NLRP10: variants seen among roughly 807,000 people sequenced by gnomAD.
NLRP10 encodes the protein NLR family pyrin domain containing 10, also known as NACHT, LRR and PYD domains-containing protein 10.
A neutral mutation model predicts 8.2 loss-of-function variants in NLRP10; 7 were observed. The observed-to-expected ratio is 0.85, with a 90% CI of 0.48 to 1.60. The LOEUF (loss-of-function observed/expected upper bound fraction) is 1.60, where lower values mean the gene tolerates loss of function less well. NLRP10 is among the 40% of genes most tolerant of loss of function. The pLI, the probability that NLRP10 is intolerant of heterozygous loss-of-function variation, is 0.00. For synonymous variants in NLRP10, 338 were observed against 314.0 expected, an observed-to-expected ratio of 1.08 and a Z score of -0.81; for missense variants, 814 against 776.3, an observed-to-expected ratio of 1.05 and a Z score of -0.58.
At chr11:7,961,758 G>T (rs1941735506) in intron 2 of NLRP10, among the ~76,000 whole-genome samples, 1 of 152,200 alleles carries the variant, frequency 6.6e-6, no homozygotes. Context: ...AGGACAGAGA[G>T]AGGGGAAAGG....
rs998589774 is a variant in NLRP10 at position 7,958,090 on chromosome 11, T to G, written c.*1554A>C. Among the ~76,000 whole-genome samples, 4 of 152,228 alleles carry G rather than the reference T, an allele frequency of 2.6e-5. No homozygotes were observed. The highest frequency in any genetic ancestry group is 9.6e-5 in the African/African-American group (4 of 41,458). ...ACTGAATACTATTACATTATGTGGA[T>G]GTATCACAGTTTGCTTATCCATCAC... On this transcript the variant is annotated 3_prime_UTR_variant, in exon 3 of 3. Coordinates refer to ENST00000691676, the MANE Select transcript of NLRP10 (RefSeq NM_001391958.1).
intron 2 of NLRP10, among the ~76,000 whole-genome samples, chr11:7,962,228 G>GTTATTTTTTTTT (rs1196465022): frequency 2.7e-5 from 1 of 36,880 alleles, no homozygotes; most frequent in East Asian, 7.7e-4. Context: ...AGATAAGCCT[G>GTTATTTTTTTTT]TTCTTTTTTT....
Position 7,960,290 on chromosome 11 carries a change from G to A in NLRP10, c.1322C>T (p.Pro441Leu). ...AELRKHNLDG[P>L]RLAAFLSSND... ...ACTACTCAGGAAAGCGGCAAGCCTGGGGCCATCTAAATTATGTTTCCTGAG... is the reference window on the plus strand; with the variant it reads ...ACTACTCAGGAAAGCGGCAAGCCTGAGGCCATCTAAATTATGTTTCCTGAG... The change falls in exon 3 of 3, where the codon CCC becomes CTC. Residue 441 changes from proline (P) to leucine (L), a missense_variant. Coordinates refer to ENST00000691676, the MANE Select transcript of NLRP10 (RefSeq NM_001391958.1). The A allele has an allele frequency of 6.2e-7, 1 of 1,614,138 alleles. No homozygotes were observed. Among genetic ancestry groups the A allele is most frequent in the Non-Finnish European group, 8.5e-7 (1 of 1,180,030 alleles).
Position 7,960,520 on chromosome 11 carries a change from C to A in NLRP10, c.1092G>T (p.Leu364=). ...CTTTGCCTCTCTCCATCTGCCCCTG[C>A]AGCCAGGAGCAGACCACCCAGCAAA... ...PGICWVVCSW[L]QGQMERGKVV... Residue 364 remains leucine, a synonymous_variant, in exon 3 of 3, where the codon CTG becomes CTT. Transcript: ENST00000691676. 6.2e-7 allele frequency: 1 copy of A among 1,614,146 alleles called. No individual in the cohort carries two copies. Among genetic ancestry groups the A allele is most frequent in the East Asian group, 2.2e-5 (1 of 44,886 alleles).
chr11:7,959,324 T>G lies in NLRP10; in HGVS notation c.*320A>C, dbSNP rs1440682345. On this transcript the variant is annotated 3_prime_UTR_variant, in exon 3 of 3. Transcript: ENST00000691676. ...CCATACTGTCTTGATTACTGTAGCT[T>G]TATAGTAGGAAGAAGTTGGATAGCA... 1 of 242,592 alleles carries G rather than the reference T, an allele frequency of 4.1e-6. No individual in the cohort carries two copies. Among genetic ancestry groups the G allele is most frequent in the Non-Finnish European group, 7.8e-6 (1 of 128,894 alleles). 15.0% of individuals were successfully genotyped at this position (242,592 alleles called of 1,614,324 possible). A position where few individuals can be genotyped will look rare whatever the true frequency, so the allele number is the denominator to read the frequency against.
At position 7,960,440 on chromosome 11, in the gene NLRP10, G is replaced by C; in HGVS notation, c.1172C>G (p.Thr391Ser). The C allele has an allele frequency of 6.2e-7, 1 of 1,614,064 alleles. No homozygotes were observed. The highest frequency in any genetic ancestry group is 8.5e-7 in the Non-Finnish European group (1 of 1,180,044). Residue 391 changes from threonine to serine, a missense_variant, in exon 3 of 3, where the codon ACC (threonine) becomes AGC (serine). By Grantham distance (58) the Thr-to-Ser change is moderately conservative. Coordinates refer to ENST00000691676, the MANE Select transcript of NLRP10 (RefSeq NM_001391958.1). Reference protein sequence around the residue: ...STDIFMAYVSTFLPPDDDGGC... With the variant: ...STDIFMAYVSSFLPPDDDGGC... The stretch of plus-strand genomic sequence containing the variant: ...CCCATCATCATCGGGCGGCAGAAAG[G>C]TGGAGACGTAAGCCATGAAGATGTC...
chr11:7,961,840 C>A (rs1252709087), intron 2 of NLRP10, among the ~76,000 whole-genome samples: 1 of 152,128 alleles, frequency 6.6e-6, no homozygotes, highest in Non-Finnish European at 1.5e-5. Flanking sequence ...CTCCAAATTT[C>A]AGGTTGAAAT....
chr11:7,960,930 C>A lies in NLRP10; in HGVS notation c.682G>T (p.Gly228Trp), dbSNP rs768485827. 11 of 1,614,168 alleles carry A rather than the reference C, an allele frequency of 6.8e-6. No homozygotes were observed. Among genetic ancestry groups the A allele is most frequent in the Non-Finnish European group, 9.3e-6 (11 of 1,180,036 alleles). Residue 228 changes from glycine to tryptophan, a missense_variant, in exon 3 of 3, where the codon GGG becomes TGG. Physicochemically the swap from Gly to Trp is radical, Grantham distance 184 (BLOSUM62 -2). Coordinates refer to ENST00000691676, the MANE Select transcript of NLRP10 (RefSeq NM_001391958.1). ...TCTGTGACAGGGGCTTGATTGTCCC[C>A]GCAGCACCAGAAAAGGAGCTGCTCC... ...KLEQLLFWCC[G>W]DNQAPVTEIL...
chr11:7,959,109 GTATTTTACATC>G lies in NLRP10; in HGVS notation c.*524_*534del, dbSNP rs1941669993. The stretch of plus-strand genomic sequence containing the variant: ...TCTAGCAGTTTATATTAGTACTTTT[GTATTTTACATC>G]TAGATTCATTTTTTTACATGTGGAT... On this transcript the variant is annotated 3_prime_UTR_variant, in exon 3 of 3. Coordinates refer to ENST00000691676, the MANE Select transcript of NLRP10 (RefSeq NM_001391958.1). Among the ~76,000 whole-genome samples, 1 of 151,978 alleles carries G rather than the reference GTATTTTACATC, an allele frequency of 6.6e-6. No individual in the cohort carries two copies. The highest frequency in any genetic ancestry group is 6.6e-5 in the Admixed American group (1 of 15,262).
chr11:7,959,959 C>G lies in NLRP10; in HGVS notation c.1653G>C (p.Gln551His), dbSNP rs144039243. The change falls in exon 3 of 3, where the codon CAG becomes CAC. Residue 551 changes from glutamine (Q) to histidine (H), a missense_variant. By Grantham distance (24) the Gln-to-His change is conservative. Transcript: ENST00000691676. ...TCCTGTTGTGCTTCATAGATTCCAT[C>G]TGTTCTTTAAAATGCTTCAGATCCT... ...LAQDLKHFKEQMESMKHNRTW... is the reference protein window; with the variant it reads ...LAQDLKHFKEHMESMKHNRTW... 1 of 1,614,172 alleles carries G rather than the reference C, an allele frequency of 6.2e-7. No individual in the cohort carries two copies. Among genetic ancestry groups the G allele is most frequent in the Admixed American group, 1.7e-5 (1 of 60,026 alleles).
chr11:7,961,071 T>C lies in NLRP10; in HGVS notation c.541A>G (p.Thr181Ala). ...LQGSAGTGKT[T>A]LARKMVLDWA... is the part of the protein sequence containing the mutation. ...TCCAACACCATTTTTCTGGCGAGAG[T>C]TGTCTTTCCAGTGCCAGCCGACCCC... The change falls in exon 3 of 3, where the codon ACT (threonine) becomes GCT (alanine). Residue 181 changes from threonine (T) to alanine (A), a missense_variant. Coordinates refer to ENST00000691676, the MANE Select transcript of NLRP10 (RefSeq NM_001391958.1). 6.2e-7 allele frequency: 1 copy of C among 1,613,450 alleles called. No individual in the cohort carries two copies. The highest frequency in any genetic ancestry group is 1.6e-4 in the Middle Eastern group (1 of 6,062).
chr11:7,959,681 C>T lies in NLRP10; in HGVS notation c.1931G>A (p.Arg644Lys). 6.3e-7 allele frequency: 1 copy of T among 1,591,152 alleles called. No individual in the cohort carries two copies. The highest frequency in any genetic ancestry group is 1.7e-4 in the Middle Eastern group (1 of 5,928). ...ATTTTTTGGTGTTTCCTCTGTCCCT[C>T]TGCCTTTTCCAGTAGAAGCTTCCTT... ...TQKEASTGKGRGTEETPKNTY... is the reference protein window; with the variant it reads ...TQKEASTGKGKGTEETPKNTY... Residue 644 changes from arginine to lysine, a missense_variant, in exon 3 of 3, where the codon AGA (arginine) becomes AAA (lysine). Transcript: ENST00000691676.
intron 2 of NLRP10, among the ~76,000 whole-genome samples, chr11:7,961,911 C>G (rs1177216261): frequency 6.6e-6 from 1 of 152,104 alleles, no homozygotes; most frequent in African/African-American, 2.4e-5. Flanking sequence ...GGGGCAAATC[C>G]CTCATGAATG....
intron 2 of NLRP10, 59 bp from the exon 3 acceptor site, chr11:7,961,381 C>T (rs952068598): frequency 2.8e-6 from 3 of 1,085,560 alleles, no homozygotes; most frequent in Non-Finnish European, 4.0e-6. Context: ...GGCAAAATGG[C>T]CCCTCCAAAC....
In NLRP10 at chr11:7,959,657, T is replaced by C. The variant is rs1333620612; in HGVS notation, c.1955A>G (p.Asn652Ser). The part of the protein sequence containing the change: ...KGRGTEETPK[N>S]TYI The stretch of plus-strand genomic sequence containing the variant: ...ATTTAATTAGGTTTATATGTAAGTA[T>C]TTTTTGGTGTTTCCTCTGTCCCTCT... The change falls in exon 3 of 3, where the codon AAT (asparagine) becomes AGT (serine). Residue 652 changes from asparagine to serine, a missense_variant. Transcript: ENST00000691676. The C allele has an allele frequency of 6.5e-7, 1 of 1,546,060 alleles. No individual in the cohort carries two copies.
chr11:7,963,366 G>C lies in NLRP10; in HGVS notation c.130C>G (p.Leu44Val), dbSNP rs973116024. The change falls in exon 2 of 3, where the codon CTG becomes GTG. Residue 44 changes from leucine (L) to valine (V), a missense_variant. Coordinates refer to ENST00000691676, the MANE Select transcript of NLRP10 (RefSeq NM_001391958.1). Reference protein sequence around the residue: ...DMTLSEGQPPLARGELEGLIP... With the variant: ...DMTLSEGQPPVARGELEGLIP... ...AGGCCCTCCAACTCCCCTCTGGCCA[G>C]TGGGGGCTGGCCCTCAGACAGGGTC... is the stretch of plus-strand genomic sequence containing the variant. The C allele has an allele frequency of 6.2e-7, 1 of 1,614,226 alleles. No individual in the cohort carries two copies. The highest frequency in any genetic ancestry group is 8.5e-7 in the Non-Finnish European group (1 of 1,180,026).
Position 7,961,106 on chromosome 11 carries a change from A to T in NLRP10, c.506T>A (p.Val169Asp). The change falls in exon 3 of 3, where the codon GTT (valine) becomes GAT (aspartate). Residue 169 changes from valine (V) to aspartate (D), a missense_variant. By Grantham distance (152) the Val-to-Asp change is radical. Coordinates refer to ENST00000691676, the MANE Select transcript of NLRP10 (RefSeq NM_001391958.1). ...GEKPSLAPSL[V>D]VLQGSAGTGK... ...AGTGCCAGCCGACCCCTGTAGCACA[A>T]CTAAGGATGGGGCCAGTGAGGGCTT... 6.2e-7 allele frequency: 1 copy of T among 1,614,152 alleles called. No homozygotes were observed. The highest frequency in any genetic ancestry group is 1.1e-5 in the South Asian group (1 of 91,076).
rs1451890801 is a variant in NLRP10, at chr11:7,959,731, G to T, written c.1881C>A (p.Gly627=). Residue 627 remains glycine (G), a synonymous_variant, in exon 3 of 3, where the codon GGC becomes GGA. Transcript: ENST00000691676. ...TTTGTGTTCCTGCTATATTATCTTT[G>T]CCCTCCTTCTGTCCATGGACAGAAG... is the stretch of plus-strand genomic sequence containing the variant. ...KCPSVHGQKE[G]KDNIAGTQKE... is the part of the protein sequence containing the mutation. 2.5e-6 allele frequency: 4 copies of T among 1,612,152 alleles called. No individual in the cohort carries two copies. The African/African-American group carries it at 4.0e-5, about 16-fold the overall frequency.
chr11:7,962,013 C>A (rs1217335389), intron 2 of NLRP10, among the ~76,000 whole-genome samples: 1 of 152,056 alleles, frequency 6.6e-6, no homozygotes, highest in African/African-American at 2.4e-5. Flanking sequence ...CTCCTCCCCT[C>A]TCTCTTCCTC....
Sources: allele counts gnomAD v4.1 joint callset (sites outside exome capture counted in the v4.1 genomes callset), GRCh38; gene constraint gnomAD v4.1.1; transcripts MANE v1.5; gene names NCBI Gene and HGNC (gene_info 2026-07-23, HGNC 2026-07-21).